ZSWIM2: variants seen among roughly 807,000 people sequenced by gnomAD.
The protein encoded by ZSWIM2 is zinc finger SWIM-type containing 2, also known as E3 ubiquitin-protein ligase ZSWIM2.
ZSWIM2 carries 38 observed loss-of-function variants against 48.4 expected under a neutral mutation model. The ratio of observed to expected loss-of-function variants is 0.79; its 90% CI spans 0.61 to 1.03. ZSWIM2 has a LOEUF of 1.03. ZSWIM2 is among the 50% of genes least tolerant of loss of function. ZSWIM2 has a pLI of 0.00. For missense variants in ZSWIM2, 776 were observed against 730.2 expected (o/e 1.06, Z -0.72); for synonymous variants, 240 against 251.3 (o/e 0.96, Z 0.42).
intron 3 of ZSWIM2, among the ~76,000 whole-genome samples, chr2:186,843,324 G>C (rs1390438033): frequency 6.6e-6 from 1 of 151,596 alleles, no homozygotes; most frequent in Non-Finnish European, 1.5e-5. Flanking sequence ...CATCACGCAT[G>C]AAGGGACTGA....
chr2:186,830,634 G>A (rs1691682465), intron 7 of ZSWIM2, among the ~76,000 whole-genome samples: 1 of 148,120 alleles, frequency 6.8e-6, no homozygotes. Flanking sequence ...TAGATCATAA[G>A]AGATAAGGAA....
Position 186,829,996 on chromosome 2 carries a change from T to C in ZSWIM2, c.942-116A>G, listed in dbSNP as rs111758897. 4.8e-3 allele frequency: 4,899 copies of C among 1,013,930 alleles called. 146 individuals carry two copies. In the African/African-American group the frequency reaches 0.067, roughly 14 times the overall value. The allele number at this position is 1,013,930 out of a possible 1,614,324, so 62.8% of individuals were successfully genotyped here. ...TAATGCAATCGAACCCTAGGTTTTC[T>C]TGAACTAAAGATAATAAATCTCATA... On this transcript the variant is annotated intron_variant, in intron 7 of 8. Coordinates refer to ENST00000295131, the MANE Select transcript of ZSWIM2 (RefSeq NM_182521.3).
Position 186,849,157 on chromosome 2 carries a change from C to A in ZSWIM2, c.-27G>T. On this transcript the variant is annotated 5_prime_UTR_variant, in exon 1 of 9. Coordinates refer to ENST00000295131, the MANE Select transcript of ZSWIM2 (RefSeq NM_182521.3). ...CTGGGTGCGGGCGGAGGCGGCCCCTCTGCTCGGCTCACTGAGGCGCCAGCC... is the reference window on the plus strand; with the variant it reads ...CTGGGTGCGGGCGGAGGCGGCCCCTATGCTCGGCTCACTGAGGCGCCAGCC... The A allele has an allele frequency of 6.3e-7, 1 of 1,585,490 alleles. No homozygotes were observed.
intron 3 of ZSWIM2, among the ~76,000 whole-genome samples, chr2:186,844,168 A>G (rs571040278): frequency 6.6e-6 from 1 of 151,578 alleles, no homozygotes; most frequent in African/African-American, 2.4e-5. Context: ...TATTGCAATT[A>G]TTTTTCTTTC....
chr2:186,842,507 G>A (rs1054137892), intron 3 of ZSWIM2, among the ~76,000 whole-genome samples: 4 of 151,186 alleles, frequency 2.6e-5, no homozygotes, highest in East Asian at 1.9e-4. Flanking sequence ...TGCTGTCTTC[G>A]ATAAGTGCAA....
At chr2:186,830,701 T>C (rs988929349) in intron 7 of ZSWIM2, among the ~76,000 whole-genome samples, 3 of 113,514 alleles carry the variant, frequency 2.6e-5, no homozygotes, top group Non-Finnish European at 5.3e-5. Flanking sequence ...ACTATGTTAA[T>C]AGTCTAACTC....
Position 186,828,798 on chromosome 2 carries a change from A to G in ZSWIM2, c.1096-8T>C, listed in dbSNP as rs768808297. On this transcript the variant is annotated splice_polypyrimidine_tract_variant and splice_region_variant and intron_variant, in intron 8 of 8. Transcript: ENST00000295131. ...AATACACTTCCTGTGAAACTTTAAAAAAAAGGTAAGCTAATCAGAACTATA... is the reference window on the plus strand; with the variant it reads ...AATACACTTCCTGTGAAACTTTAAAGAAAAGGTAAGCTAATCAGAACTATA... The G allele has an allele frequency of 7.5e-5, 112 of 1,501,298 alleles. No individual in the cohort carries two copies. The highest frequency in any genetic ancestry group is 9.7e-5 in the Non-Finnish European group (109 of 1,123,708). The allele number at this position is 1,501,298 out of a possible 1,614,324, so 93.0% of individuals were successfully genotyped here.
In ZSWIM2 at chr2:186,844,739, G is replaced by C. The variant is rs776064549; in HGVS notation, c.261C>G (p.Phe87Leu). 1 of 1,559,522 alleles carries C rather than the reference G, an allele frequency of 6.4e-7. No homozygotes were observed. Among genetic ancestry groups the C allele is most frequent in the Admixed American group, 2.0e-5 (1 of 50,402 alleles). ...KHICWVLLKK[F>L]KLPRNHESAL... ...TACATTCATGGTTCCTTGGAAGCTT[G>C]AATTTTTTCAACAAGACCCTAACAT... is the stretch of plus-strand genomic sequence containing the variant. The change falls in exon 3 of 9, where the codon TTC (phenylalanine) becomes TTG (leucine). Residue 87 changes from phenylalanine (F) to leucine (L), a missense_variant. Physicochemically the swap from Phe to Leu is conservative, Grantham distance 22. Transcript: ENST00000295131.
At chr2:186,844,671 A>C in intron 3 of ZSWIM2, 46 bp downstream of exon 3, 1 of 1,499,926 alleles carries the variant, frequency 6.7e-7, no homozygotes, top group Non-Finnish European at 8.9e-7. Context: ...ACTTCAAAGT[A>C]GTAAAATAAA....
In ZSWIM2 at chr2:186,833,926, A is replaced by G. The variant is rs1559112636; in HGVS notation, c.828+20T>C. 1 of 1,591,764 alleles carries G rather than the reference A, an allele frequency of 6.3e-7. No individual in the cohort carries two copies. The highest frequency in any genetic ancestry group is 2.2e-5 in the East Asian group (1 of 44,758). ...AGGACAAATAGAAACACTGTATTAG[A>G]TTCAAGATGGATACTGTACCTCACG... On this transcript the variant is annotated intron_variant, in intron 6 of 8. Coordinates refer to ENST00000295131, the MANE Select transcript of ZSWIM2 (RefSeq NM_182521.3).
chr2:186,846,168 A>G (rs924809389), intron 2 of ZSWIM2, among the ~76,000 whole-genome samples: 4 of 152,036 alleles, frequency 2.6e-5, no homozygotes, highest in Non-Finnish European at 5.9e-5. Flanking sequence ...TGCACAGCAA[A>G]TGAAACAATC....
At position 186,833,994 on chromosome 2, in the gene ZSWIM2, T is replaced by C; in HGVS notation, c.780A>G (p.Glu260=). Residue 260 remains glutamate, a synonymous_variant, in exon 6 of 9, where the codon GAA becomes GAG. Transcript: ENST00000295131. Reference sequence around the variant, plus strand: ...AAAGATGGCAGCAGCTATCAAAACATTCCTGGCATAAGTGATATTCTATGC... The same window carrying C: ...AAAGATGGCAGCAGCTATCAAAACACTCCTGGCATAAGTGATATTCTATGC... ...TECIEYHLCQ[E]CFDSCCHLSH... is the part of the protein sequence containing the mutation. 1 of 1,613,264 alleles carries C rather than the reference T, an allele frequency of 6.2e-7. No homozygotes were observed. The highest frequency in any genetic ancestry group is 8.5e-7 in the Non-Finnish European group (1 of 1,179,568).
intron 7 of ZSWIM2, among the ~76,000 whole-genome samples, chr2:186,831,530 TA>T (rs1427297752): frequency 6.6e-6 from 1 of 152,038 alleles, no homozygotes; most frequent in African/African-American, 2.4e-5. Context: ...ACTGGGTATA[TA>T]CCCAAAGGAT....
Position 186,828,165 on chromosome 2 carries a change from G to A in ZSWIM2, c.1721C>T (p.Pro574Leu), listed in dbSNP as rs761350596. The change falls in exon 9 of 9, where the codon CCA becomes CTA. Residue 574 changes from proline (P) to leucine (L), a missense_variant. By Grantham distance (98) the Pro-to-Leu change is moderately conservative. Transcript: ENST00000295131. ...REDNKRSTLL[P>L]EDFNLIVNWS... ...ATTGACAATAAGATTGAAATCCTCTGGAAGTAAAGTTGATCTCTTGTTGTC... is the reference window on the plus strand; with the variant it reads ...ATTGACAATAAGATTGAAATCCTCTAGAAGTAAAGTTGATCTCTTGTTGTC... 3.1e-6 allele frequency: 5 copies of A among 1,613,396 alleles called. No individual in the cohort carries two copies. The East Asian group carries it at 6.7e-5, about 22-fold the overall frequency.
At chr2:186,844,567 G>T in intron 3 of ZSWIM2, 150 bp downstream of exon 3, 1 of 738,984 alleles carries the variant, frequency 1.4e-6, no homozygotes, top group Non-Finnish European at 2.1e-6. Flanking sequence ...AGTGTCTTAA[G>T]TTTAAGAAGC....
At chr2:186,834,172 T>G in intron 5 of ZSWIM2, 142 bp from the exon 6 acceptor site, 1 of 605,710 alleles carries the variant, frequency 1.7e-6, no homozygotes, top group Non-Finnish European at 2.9e-6. Flanking sequence ...TGTATTAGTT[T>G]CCTGTTGCTG....
In ZSWIM2 at chr2:186,827,915, G is replaced by T; in HGVS notation, c.*69C>A. On this transcript the variant is annotated 3_prime_UTR_variant, in exon 9 of 9. Transcript: ENST00000295131. ...ATATACATTTGTCAAGACTATGTGTGCTTTTTATGTTCTATATAAAACATT... is the reference window on the plus strand; with the variant it reads ...ATATACATTTGTCAAGACTATGTGTTCTTTTTATGTTCTATATAAAACATT... 2.3e-6 allele frequency: 3 copies of T among 1,293,150 alleles called. No individual in the cohort carries two copies. Among genetic ancestry groups the T allele is most frequent in the Non-Finnish European group, 3.1e-6 (3 of 967,060 alleles). 80.1% of individuals were successfully genotyped at this position (1,293,150 alleles called of 1,614,324 possible). A position where few individuals can be genotyped will look rare whatever the true frequency, so the allele number is the denominator to read the frequency against.
rs771746663 is a variant in ZSWIM2 at position 186,839,214 on chromosome 2, A to G, written c.284-45T>C. On this transcript the variant is annotated intron_variant, in intron 3 of 8. Coordinates refer to ENST00000295131, the MANE Select transcript of ZSWIM2 (RefSeq NM_182521.3). ...TATTAAAATCCAGTCATAAAATTGG[A>G]GCTACAGAGAGGTAACAACTTATGC... 2.0e-5 allele frequency: 32 copies of G among 1,570,278 alleles called. No homozygotes were observed. In the South Asian group the frequency reaches 3.6e-4, roughly 18 times the overall value.
In ZSWIM2 at chr2:186,837,305, C is replaced by A. The variant is rs1469505450; in HGVS notation, c.743+1G>T. 6.2e-7 allele frequency: 1 copy of A among 1,612,362 alleles called. No individual in the cohort carries two copies. The highest frequency in any genetic ancestry group is 1.1e-5 in the South Asian group (1 of 91,022). On this transcript the variant is annotated splice_donor_variant, in intron 5 of 8. Transcript: ENST00000295131. LOFTEE classifies it high-confidence loss of function. ...GCTTATAATTTACGGATAACACTTACTTATAACACTTCCCCTCAATTGGAA... is the reference window on the plus strand; with the variant it reads ...GCTTATAATTTACGGATAACACTTAATTATAACACTTCCCCTCAATTGGAA...
Sources: gnomAD v4.1 joint callset for allele counts (sites outside exome capture counted in the v4.1 genomes callset) on GRCh38, gnomAD v4.1.1 for gene constraint, MANE v1.5 for transcripts, NCBI Gene and HGNC (gene_info 2026-07-23, HGNC 2026-07-21) for gene names.